The following ZDHHC20 variants were observed in gnomAD, a reference collection of about 807,000 sequenced individuals.
The protein encoded by ZDHHC20 is palmitoyltransferase ZDHHC20.
A neutral mutation model predicts 57.8 loss-of-function variants in ZDHHC20; 43 were observed. The observed-to-expected ratio is 0.74, with a 90% CI of 0.58 to 0.96. The LOEUF (loss-of-function observed/expected upper bound fraction) is 0.96, where lower values mean the gene tolerates loss of function less well. Among genes scored for constraint, ZDHHC20 ranks in the 40% least tolerant of loss-of-function variants. ZDHHC20 has a pLI of 0.00. For synonymous variants in ZDHHC20, 157 were observed against 153.0 expected (o/e 1.03, Z -0.19); for missense variants, 391 against 441.1 (o/e 0.89, Z 1.02).
chr13:21,391,873 T>C lies in ZDHHC20; in HGVS notation c.595-19A>G. ...GTTCATTCTGAGGAAAAAAAGAAGT[T>C]AATTTTGAGGTCAACCTCTAAAATA... On this transcript the variant is annotated intron_variant, in intron 7 of 12. Transcript: ENST00000400590. 6.2e-7 allele frequency: 1 copy of C among 1,601,998 alleles called. No homozygotes were observed. The highest frequency in any genetic ancestry group is 8.5e-7 in the Non-Finnish European group (1 of 1,174,752).
At position 21,400,497 on chromosome 13, in the gene ZDHHC20, G is replaced by C. The variant is rs1231286645; in HGVS notation, c.474-4C>G. The C allele has an allele frequency of 2.6e-6, 4 of 1,533,036 alleles. No individual in the cohort carries two copies. In the African/African-American group the frequency reaches 5.6e-5, roughly 21 times the overall value. The allele number at this position is 1,533,036 out of a possible 1,614,324, so 95.0% of individuals were successfully genotyped here. A position where few individuals can be genotyped will look rare whatever the true frequency, so the allele number is the denominator to read the frequency against. On this transcript the variant is annotated splice_polypyrimidine_tract_variant and splice_region_variant and intron_variant, in intron 6 of 12. Coordinates refer to ENST00000400590, the MANE Select transcript of ZDHHC20 (RefSeq NM_001330059.2). Reference sequence around the variant, plus strand: ...AAATCCCACACAGTTATTCACCCTGGAAAAATAAAGAAAGCCACATTATAA... The same window carrying C: ...AAATCCCACACAGTTATTCACCCTGCAAAAATAAAGAAAGCCACATTATAA...
chr13:21,454,728 T>C (rs1368063960), intron 1 of ZDHHC20, among the ~76,000 whole-genome samples: 2 of 152,208 alleles, frequency 1.3e-5, no homozygotes, highest in East Asian at 1.9e-4. Context: ...CAAGCTAGCA[T>C]GTACAATGAT....
At chr13:21,446,890 G>C (rs1883757523) in intron 1 of ZDHHC20, among the ~76,000 whole-genome samples, 2 of 152,088 alleles carry the variant, frequency 1.3e-5, no homozygotes, top group Non-Finnish European at 2.9e-5. Flanking sequence ...AGGAAGAGTG[G>C]AAAGGAAATT....
At chr13:21,447,018 A>G (rs535433398) in intron 1 of ZDHHC20, among the ~76,000 whole-genome samples, 1 of 152,114 alleles carries the variant, frequency 6.6e-6, no homozygotes, top group Non-Finnish European at 1.5e-5. Flanking sequence ...TAGGAGTAAC[A>G]AACTGGTATT....
At chr13:21,455,183 C>G (rs141466315) in intron 1 of ZDHHC20, among the ~76,000 whole-genome samples, 1 of 152,032 alleles carries the variant, frequency 6.6e-6, no homozygotes, top group Non-Finnish European at 1.5e-5. Flanking sequence ...CCTCCCAAAG[C>G]GCTGGGATTA....
At chr13:21,437,389 G>A (rs564530732) in intron 1 of ZDHHC20, among the ~76,000 whole-genome samples, 2 of 152,276 alleles carry the variant, frequency 1.3e-5, no homozygotes, top group Non-Finnish European at 2.9e-5. Context: ...ACAGAGCCAC[G>A]CCATATCAGT....
intron 4 of ZDHHC20, among the ~76,000 whole-genome samples, chr13:21,407,537 G>C (rs964663583): frequency 3.3e-5 from 5 of 152,170 alleles, no homozygotes; most frequent in African/African-American, 1.2e-4. Flanking sequence ...TTTGTCAGAT[G>C]GATAGATTGC....
At chr13:21,385,671 G>A (rs1313854629) in intron 9 of ZDHHC20, among the ~76,000 whole-genome samples, 2 of 152,082 alleles carry the variant, frequency 1.3e-5, no homozygotes, top group Non-Finnish European at 2.9e-5. Flanking sequence ...TCAGGGAGGA[G>A]GTGGAAAGAG....
intron 4 of ZDHHC20, among the ~76,000 whole-genome samples, chr13:21,404,813 T>A (rs1878224427): frequency 6.7e-6 from 1 of 150,078 alleles, no homozygotes; most frequent in Non-Finnish European, 1.5e-5. Flanking sequence ...GGGAAAAGAA[T>A]ATATATTTTC....
chr13:21,397,491 G>T (rs1167549481), intron 7 of ZDHHC20, among the ~76,000 whole-genome samples: 1 of 151,962 alleles, frequency 6.6e-6, no homozygotes, highest in African/African-American at 2.4e-5. Flanking sequence ...GTGAAACCCT[G>T]TCTCTACAAA....
At chr13:21,382,776 A>G in intron 10 of ZDHHC20, 144 bp downstream of exon 10, 1 of 605,346 alleles carries the variant, frequency 1.7e-6, no homozygotes, top group Non-Finnish European at 2.8e-6. Flanking sequence ...ATTAAACCTC[A>G]GTTAAAAAAA....
Position 21,425,548 on chromosome 13 carries a change from T to C in ZDHHC20, c.145+104A>G, listed in dbSNP as rs1017748655. The C allele has an allele frequency of 1.8e-5, 15 of 844,736 alleles. No homozygotes were observed. In the African/African-American group the frequency reaches 2.7e-4, roughly 15 times the overall value. The allele number at this position is 844,736 out of a possible 1,614,324, so 52.3% of individuals were successfully genotyped here. A position where few individuals can be genotyped will look rare whatever the true frequency, so the allele number is the denominator to read the frequency against. On this transcript the variant is annotated intron_variant, in intron 2 of 12. Transcript: ENST00000400590. ...TTAAAATGTAAAGATAGGGATTTTATTTCTAAAAAACAAAAACACATGCAT... is the reference window on the plus strand; with the variant it reads ...TTAAAATGTAAAGATAGGGATTTTACTTCTAAAAAACAAAAACACATGCAT...
chr13:21,445,582 T>G (rs190208385), intron 1 of ZDHHC20, among the ~76,000 whole-genome samples: 6 of 152,322 alleles, frequency 3.9e-5, no homozygotes, highest in Admixed American at 2.0e-4. Context: ...ACTTTAAGAT[T>G]ATCAATAATA....
At chr13:21,411,123 C>T (rs1049498837) in intron 4 of ZDHHC20, among the ~76,000 whole-genome samples, 17 of 152,298 alleles carry the variant, frequency 1.1e-4, no homozygotes, top group South Asian at 4.1e-4. Context: ...GGGAGTTCCC[C>T]GACCCCTTGT....
Position 21,414,347 on chromosome 13 carries a change from C to A in ZDHHC20, c.250-575G>T, listed in dbSNP as rs921847399. On this transcript the variant is annotated intron_variant, in intron 3 of 12. Coordinates refer to ENST00000400590, the MANE Select transcript of ZDHHC20 (RefSeq NM_001330059.2). ...ATAGTTGCCTTTTCAAGGACAGAGT[C>A]CTTTATAGACCTTTTTTTTTTCTTT... Among the ~76,000 whole-genome samples, 5 of 150,678 alleles carry A rather than the reference C, an allele frequency of 3.3e-5. No homozygotes were observed. The South Asian group carries it at 1.1e-3, about 32-fold the overall frequency.
chr13:21,406,566 G>C (rs1293569030), intron 4 of ZDHHC20, among the ~76,000 whole-genome samples: 1 of 151,036 alleles, frequency 6.6e-6, no homozygotes, highest in Non-Finnish European at 1.5e-5. Context: ...CCCAGTGTGT[G>C]ATGTTCCCCT....
rs768720432 is a variant in ZDHHC20, at chr13:21,459,189, C to G, written c.-18G>C. 1 of 1,584,996 alleles carries G rather than the reference C, an allele frequency of 6.3e-7. No homozygotes were observed. Among genetic ancestry groups the G allele is most frequent in the African/African-American group, 1.4e-5 (1 of 72,496 alleles). ...GGCGCCATGTTCCGCTGGCGGCTGC[C>G]GAGCCCCGCGTCCCACCGTTCTGGG... On this transcript the variant is annotated 5_prime_UTR_variant, in exon 1 of 13. Coordinates refer to ENST00000400590, the MANE Select transcript of ZDHHC20 (RefSeq NM_001330059.2).
chr13:21,442,064 CGTT>C (rs1883231250), intron 1 of ZDHHC20, among the ~76,000 whole-genome samples: 1 of 151,908 alleles, frequency 6.6e-6, no homozygotes, highest in Admixed American at 6.5e-5. Flanking sequence ...ATTTTGTTTA[CGTT>C]GTTTACGTTA....
chr13:21,372,988 C>A lies in ZDHHC20; in HGVS notation c.*3708G>T, dbSNP rs1450113030. On this transcript the variant is annotated 3_prime_UTR_variant, in exon 13 of 13. Transcript: ENST00000400590. ...AATGAAGTCATTAGAAAAATATGAACCTTTCTGAATCTATATTACATTTTT... is the reference window on the plus strand; with the variant it reads ...AATGAAGTCATTAGAAAAATATGAAACTTTCTGAATCTATATTACATTTTT... 6.6e-6 allele frequency: 1 copy of A among 152,004 alleles called. No homozygotes were observed. Among genetic ancestry groups the A allele is most frequent in the African/African-American group, 2.4e-5 (1 of 41,382 alleles). The allele number at this position is 152,004 out of a possible 1,614,324, so 9.4% of individuals were successfully genotyped here.
Sources: gnomAD v4.1 joint callset for allele counts (sites outside exome capture counted in the v4.1 genomes callset) on GRCh38, gnomAD v4.1.1 for gene constraint, MANE v1.5 for transcripts, NCBI Gene and HGNC (gene_info 2026-07-23, HGNC 2026-07-21) for gene names.